CUX2: variants seen among roughly 807,000 people sequenced by gnomAD.
CUX2 encodes the protein homeobox protein cut-like 2.
In CUX2, 40 loss-of-function variants were observed where a neutral mutation model predicts 144.8. That is an observed-to-expected ratio of 0.28 (90% CI 0.21 to 0.36). CUX2 has a LOEUF of 0.36. Ranked by LOEUF, CUX2 falls within the 10% of genes least tolerant of loss-of-function variation. The pLI is 1.00. For synonymous variants in CUX2, 827 were observed against 875.6 expected (o/e 0.94, Z 0.98); for missense variants, 1,615 against 1,994.0 (o/e 0.81, Z 3.62).
intron 4 of CUX2, among the ~76,000 whole-genome samples, chr12:111,286,892 T>A (rs187982241): frequency 1.0e-3 from 158 of 152,102 alleles, no homozygotes; most frequent in Middle Eastern, 3.4e-3. Context: ...TAATAATAAT[T>A]CCTGGGAATT....
At chr12:111,148,723 C>T (rs564885134) in intron 1 of CUX2, among the ~76,000 whole-genome samples, 61 of 152,196 alleles carry the variant, frequency 4.0e-4, no homozygotes, top group Non-Finnish European at 6.8e-4. Context: ...GGGCTGGGCC[C>T]GGTGGCTTAC....
intron 18 of CUX2, among the ~76,000 whole-genome samples, chr12:111,331,744 A>G (rs1888127770): frequency 6.6e-6 from 1 of 152,116 alleles, no homozygotes; most frequent in African/African-American, 2.4e-5. Flanking sequence ...TATCTTTCAA[A>G]TCATTTTTCC....
rs568015127 is a variant in CUX2, at chr12:111,287,892, T to G, written c.302-3526T>G. 3.9e-5 allele frequency among the ~76,000 whole-genome samples: 6 copies of G among 152,364 alleles called. No individual in the cohort carries two copies. Among genetic ancestry groups the G allele is most frequent in the African/African-American group, 1.4e-4 (6 of 41,596 alleles). On this transcript the variant is annotated intron_variant, in intron 4 of 21. Coordinates refer to ENST00000261726, the MANE Select transcript of CUX2 (RefSeq NM_015267.4). This position sits in a 1 kb window ranked among gnomAD's most constrained non-coding sequence, Gnocchi z 4.2. Reference sequence around the variant, plus strand: ...TCAGCAGATCTTTGTTGGGTTGGACTGTGGGTCATACTTCATGGTAGGTAG... The same window carrying G: ...TCAGCAGATCTTTGTTGGGTTGGACGGTGGGTCATACTTCATGGTAGGTAG...
Position 111,320,556 on chromosome 12 carries a change from G to A in CUX2, c.2547G>A (p.Thr849=), listed in dbSNP as rs1186742017. Residue 849 remains threonine (T), a synonymous_variant, in exon 17 of 22, where the codon ACG becomes ACA. Coordinates refer to ENST00000261726, the MANE Select transcript of CUX2 (RefSeq NM_015267.4). The surrounding 1 kb of genome is among the most constrained non-coding windows in gnomAD (Gnocchi z 8.1). ...AAGAEDEPPR[T]GELKAEGATA... ...GGGCGGAGGACGAACCCCCCAGGAC[G>A]GGCGAGCTCAAGGCTGAGGGCGCGA... is the stretch of plus-strand genomic sequence containing the variant. 4.6e-6 allele frequency: 7 copies of A among 1,534,958 alleles called. No individual in the cohort carries two copies. Among genetic ancestry groups the A allele is most frequent in the East Asian group, 4.9e-5 (2 of 40,872 alleles).
chr12:111,108,361 T>C (rs10774613), intron 1 of CUX2, among the ~76,000 whole-genome samples: 46,188 of 152,076 alleles, frequency 0.3, 9,289 homozygotes, highest in Non-Finnish European at 0.43. Context: ...TGGAAACATT[T>C]TGAGACAATG....
At chr12:111,283,046 C>G (rs904513739) in intron 4 of CUX2, among the ~76,000 whole-genome samples, 1 of 151,626 alleles carries the variant, frequency 6.6e-6, no homozygotes, top group African/African-American at 2.4e-5. Flanking sequence ...AACCCTGTCT[C>G]TACTAAAAAT....
At chr12:111,082,457 C>T (rs775116055) in intron 1 of CUX2, among the ~76,000 whole-genome samples, 2 of 152,156 alleles carry the variant, frequency 1.3e-5, no homozygotes, top group South Asian at 2.1e-4. Flanking sequence ...TGAATGCCTA[C>T]GGTGTGCCAA....
At chr12:111,056,237 C>T (rs552928456) in intron 1 of CUX2, among the ~76,000 whole-genome samples, 20 of 152,266 alleles carry the variant, frequency 1.3e-4, no homozygotes, top group African/African-American at 3.6e-4. Flanking sequence ...TCTCTGTAAA[C>T]GCAGCAGTCA....
At chr12:111,091,489 C>G (rs1390887687) in intron 1 of CUX2, among the ~76,000 whole-genome samples, 2 of 152,150 alleles carry the variant, frequency 1.3e-5, no homozygotes, top group Non-Finnish European at 2.9e-5. Flanking sequence ...GCCACCTCAT[C>G]CCAGTTGCCC....
chr12:111,158,472 TAAAA>T (rs781038202), intron 1 of CUX2, among the ~76,000 whole-genome samples: 4 of 122,028 alleles, frequency 3.3e-5, no homozygotes, highest in Admixed American at 2.5e-4. Flanking sequence ...TAATTTTTAT[TAAAA>T]AAAAAAAAAA....
At chr12:111,267,225 AG>A (rs1592900090) in intron 4 of CUX2, among the ~76,000 whole-genome samples, 1 of 150,734 alleles carries the variant, frequency 6.6e-6, no homozygotes, top group South Asian at 2.1e-4. Context: ...AAAGAAAGAA[AG>A]GGAGGGAGGG....
chr12:111,118,418 T>C (rs934921878), intron 1 of CUX2, among the ~76,000 whole-genome samples: 5 of 152,298 alleles, frequency 3.3e-5, no homozygotes, highest in Admixed American at 1.3e-4. Flanking sequence ...TGATGTCCAG[T>C]TGGTAGATTG....
intron 1 of CUX2, among the ~76,000 whole-genome samples, chr12:111,177,199 T>C (rs1878909630): frequency 6.6e-6 from 1 of 152,116 alleles, no homozygotes; most frequent in Non-Finnish European, 1.5e-5. Context: ...CCGTGCCTAC[T>C]TGGGAGCAGG....
intron 1 of CUX2, among the ~76,000 whole-genome samples, chr12:111,094,994 T>G (rs1447971907): frequency 6.6e-6 from 1 of 152,192 alleles, no homozygotes; most frequent in Non-Finnish European, 1.5e-5. Flanking sequence ...GTCATCACCT[T>G]GGGAGTAATG....
chr12:111,260,356 C>A (rs566307190), intron 3 of CUX2, among the ~76,000 whole-genome samples: 1 of 151,508 alleles, frequency 6.6e-6, no homozygotes, highest in Admixed American at 6.6e-5. Context: ...CCCAGCTACT[C>A]GGGAGGCTGA....
chr12:111,324,164 C>G (rs1887665673), intron 18 of CUX2, among the ~76,000 whole-genome samples: 1 of 152,030 alleles, frequency 6.6e-6, no homozygotes, highest in Non-Finnish European at 1.5e-5. Flanking sequence ...GTCTGGCCAA[C>G]ATGGTGAAAC....
At position 111,034,507 on chromosome 12, in the gene CUX2, G is replaced by A. The variant is rs1869316996; in HGVS notation, c.63+267G>A. On this transcript the variant is annotated intron_variant, in intron 1 of 21. Coordinates refer to ENST00000261726, the MANE Select transcript of CUX2 (RefSeq NM_015267.4). This position sits in a 1 kb window ranked among gnomAD's most constrained non-coding sequence, Gnocchi z 4.2. Reference sequence around the variant, plus strand: ...CCCTCGGTCGGCGGAGCGGCCGAGCGGCCAGGCGGCCGGGCGAGGAGCGGG... The same window carrying A: ...CCCTCGGTCGGCGGAGCGGCCGAGCAGCCAGGCGGCCGGGCGAGGAGCGGG... Among the ~76,000 whole-genome samples the A allele has an allele frequency of 6.6e-6, 1 of 151,686 alleles. No homozygotes were observed.
chr12:111,125,353 G>A (rs530728210), intron 1 of CUX2, among the ~76,000 whole-genome samples: 63 of 152,120 alleles, frequency 4.1e-4, no homozygotes, highest in Non-Finnish European at 7.2e-4. Context: ...CTAATTTTGT[G>A]TTTTTAGTAG....
At chr12:111,149,461 T>G (rs990666439) in intron 1 of CUX2, among the ~76,000 whole-genome samples, 1 of 152,046 alleles carries the variant, frequency 6.6e-6, no homozygotes, top group Non-Finnish European at 1.5e-5. Context: ...TTGTGGGGTG[T>G]TCAGTGGCAT....
Sources: gnomAD v4.1 joint callset for allele counts (sites outside exome capture counted in the v4.1 genomes callset) on GRCh38, gnomAD v4.1.1 for gene constraint, Gnocchi (gnomAD v3.1) non-coding constraint, MANE v1.5 for transcripts, NCBI Gene and HGNC (gene_info 2026-07-23, HGNC 2026-07-21) for gene names.